The following TLN2 variants were observed in gnomAD, a reference collection of about 807,000 sequenced individuals.
TLN2 encodes the protein talin 2.
In TLN2, 118 loss-of-function variants were observed where a neutral mutation model predicts 294.7. The observed-to-expected ratio is 0.40, with a 90% CI of 0.34 to 0.47. The LOEUF is 0.47. Ranked by LOEUF, TLN2 falls within the 20% of genes least tolerant of loss-of-function variation. The probability of loss-of-function intolerance (pLI) is 0.84; values close to 1 mark genes in which losing one functional copy is unlikely to be tolerated. For synonymous variants in TLN2, 1,431 were observed against 1,304.5 expected (o/e 1.10, Z -2.09); for missense variants, 3,083 against 3,282.2 (o/e 0.94, Z 1.48).
intron 1 of TLN2, among the ~76,000 whole-genome samples, chr15:62,556,189 G>A (rs1263622107): frequency 1.3e-5 from 2 of 150,758 alleles, no homozygotes; most frequent in Non-Finnish European, 3.0e-5. Flanking sequence ...ATATATATGG[G>A]TAGGTTTATT....
At chr15:62,674,980 G>A (rs1320276517) in intron 10 of TLN2, among the ~76,000 whole-genome samples, 1 of 152,228 alleles carries the variant, frequency 6.6e-6, no homozygotes, top group African/African-American at 2.4e-5. Flanking sequence ...ATTTAGTTGT[G>A]AAGTAATGTA....
At chr15:62,667,390 T>C (rs146851374) in intron 9 of TLN2, among the ~76,000 whole-genome samples, 15 of 152,324 alleles carry the variant, frequency 9.8e-5, no homozygotes, top group Admixed American at 2.0e-4. Flanking sequence ...AACAACACAG[T>C]TGGAGTCAGG....
intron 1 of TLN2, among the ~76,000 whole-genome samples, chr15:62,407,643 G>A (rs972660644): frequency 1.3e-5 from 2 of 152,142 alleles, no homozygotes; most frequent in Non-Finnish European, 2.9e-5. Flanking sequence ...TGGGCTGGGC[G>A]CAATGGCTCA....
At chr15:62,563,731 C>G (rs914785035) in intron 1 of TLN2, among the ~76,000 whole-genome samples, 3 of 152,214 alleles carry the variant, frequency 2.0e-5, no homozygotes, top group Non-Finnish European at 4.4e-5. Flanking sequence ...GGCCTTGTCT[C>G]TCTCCCGTTG....
At chr15:62,787,649 G>T (rs1197861781) in intron 45 of TLN2, among the ~76,000 whole-genome samples, 2 of 150,366 alleles carry the variant, frequency 1.3e-5, no homozygotes, top group Non-Finnish European at 3.0e-5. Context: ...TTACTGAGAA[G>T]CTCACTATTG....
At chr15:62,703,541 G>A (rs1227845683) in intron 19 of TLN2, among the ~76,000 whole-genome samples, 1 of 151,798 alleles carries the variant, frequency 6.6e-6, no homozygotes, top group African/African-American at 2.4e-5. Flanking sequence ...TATCTGTTCA[G>A]GAGGAGGTTT....
At chr15:62,606,079 A>T (rs1457359072) in intron 2 of TLN2, among the ~76,000 whole-genome samples, 1 of 151,794 alleles carries the variant, frequency 6.6e-6, no homozygotes, top group Non-Finnish European at 1.5e-5. Context: ...CCATTTCAAA[A>T]AGATTTTTTT....
intron 1 of TLN2, among the ~76,000 whole-genome samples, chr15:62,406,323 G>T (rs2033402333): frequency 2.6e-5 from 4 of 152,178 alleles, no homozygotes; most frequent in Admixed American, 2.6e-4. Context: ...CTGATGCAGG[G>T]CAGATGAGCC....
At chr15:62,437,771 GTGTC>G (rs148679294) in intron 1 of TLN2, among the ~76,000 whole-genome samples, 17 of 151,868 alleles carry the variant, frequency 1.1e-4, no homozygotes, top group African/African-American at 4.1e-4. Context: ...GTGTGTGTGT[GTGTC>G]TGTCTGTCTG....
At chr15:62,670,219 A>G (rs531180092) in intron 9 of TLN2, among the ~76,000 whole-genome samples, 7 of 152,304 alleles carry the variant, frequency 4.6e-5, no homozygotes, top group African/African-American at 1.2e-4. Context: ...GGAGGAGCCA[A>G]TGCCTAGAGG....
chr15:62,518,659 G>A (rs908739850), intron 1 of TLN2, among the ~76,000 whole-genome samples: 12 of 151,810 alleles, frequency 7.9e-5, no homozygotes, highest in South Asian at 2.1e-4. Context: ...GTGCAGTGGC[G>A]CGATCTTGGC....
intron 1 of TLN2, among the ~76,000 whole-genome samples, chr15:62,556,123 T>G (rs577522832): frequency 6.6e-6 from 1 of 152,018 alleles, no homozygotes; most frequent in East Asian, 1.9e-4. Context: ...CATTATTGTA[T>G]CTTTTTGGTT....
chr15:62,660,552 G>T (rs1402914834), intron 9 of TLN2, among the ~76,000 whole-genome samples: 1 of 152,168 alleles, frequency 6.6e-6, no homozygotes, highest in East Asian at 1.9e-4. Flanking sequence ...CCTAAGAAGG[G>T]ACATTTTATT....
In TLN2 at chr15:62,839,044, C is replaced by CA. The variant is rs2070230420; in HGVS notation, c.7500+67dup. On this transcript the variant is annotated intron_variant, in intron 58 of 58. Transcript: ENST00000636159. ...GAGAGGTGTTGGGTTATAACAGAGACAAAAGAATAGTGACTTCAAGATGAA... is the reference window on the plus strand; with the variant it reads ...GAGAGGTGTTGGGTTATAACAGAGACAAAAAGAATAGTGACTTCAAGATGAA... 3 of 1,381,368 alleles carry CA rather than the reference C, an allele frequency of 2.2e-6. No homozygotes were observed. The African/African-American group carries it at 4.9e-5, about 23-fold the overall frequency. 85.6% of individuals were successfully genotyped at this position (1,381,368 alleles called of 1,614,324 possible).
intron 32 of TLN2, among the ~76,000 whole-genome samples, chr15:62,746,323 C>T (rs554475567): frequency 6.6e-6 from 1 of 152,246 alleles, no homozygotes; most frequent in African/African-American, 2.4e-5. Context: ...CCAGGAGGTA[C>T]TTTAAAAGCG....
intron 1 of TLN2, among the ~76,000 whole-genome samples, chr15:62,499,706 A>C (rs1048988040): frequency 6.6e-6 from 1 of 152,004 alleles, no homozygotes; most frequent in Non-Finnish European, 1.5e-5. Flanking sequence ...GGTTCAAGCA[A>C]TTCTCCTGCC....
chr15:62,559,389 C>A (rs2042785920), intron 1 of TLN2, among the ~76,000 whole-genome samples: 1 of 152,152 alleles, frequency 6.6e-6, no homozygotes, highest in African/African-American at 2.4e-5. Context: ...GTGGGATTAT[C>A]AATGTTGTCC....
chr15:62,729,939 A>T (rs745880157), intron 28 of TLN2, among the ~76,000 whole-genome samples: 1 of 151,950 alleles, frequency 6.6e-6, no homozygotes, highest in South Asian at 2.1e-4. Flanking sequence ...CTTTAAATCT[A>T]AGTTACTCTG....
At chr15:62,423,810 C>T (rs2034551097) in intron 1 of TLN2, among the ~76,000 whole-genome samples, 1 of 152,026 alleles carries the variant, frequency 6.6e-6, no homozygotes, top group African/African-American at 2.4e-5. Flanking sequence ...GAACTCCTGA[C>T]CTCAAGTGAT....
Sources: gnomAD v4.1 joint callset for allele counts (sites outside exome capture counted in the v4.1 genomes callset) on GRCh38, gnomAD v4.1.1 for gene constraint, MANE v1.5 for transcripts, NCBI Gene and HGNC (gene_info 2026-07-23, HGNC 2026-07-21) for gene names.